The following DEFB135 variants were observed in gnomAD, a reference collection of about 807,000 sequenced individuals.
DEFB135 encodes defensin beta 135.
DEFB135 carries 14 observed loss-of-function variants against 8.9 expected under a neutral mutation model. That is an observed-to-expected ratio of 1.58 (90% CI 1.04 to 2.47). The LOEUF is 2.47. Among genes scored for constraint, DEFB135 ranks in the 30% most tolerant of loss-of-function variants. DEFB135 has a pLI of 0.00. For synonymous variants in DEFB135, 51 were observed against 34.5 expected (o/e 1.48, Z -1.67); for missense variants, 135 against 94.2 (o/e 1.43, Z -1.79).
At chr8:11,982,518 C>A in intron 1 of DEFB135, 134 bp downstream of exon 1, 1 of 897,856 alleles carries the variant, frequency 1.1e-6, no homozygotes, top group Non-Finnish European at 1.8e-6. Context: ...CAGAGATGGA[C>A]ATGCTGGGCT....
intron 1 of DEFB135, among the ~76,000 whole-genome samples, chr8:11,984,076 G>A (rs1487583094): frequency 6.6e-6 from 1 of 152,094 alleles, no homozygotes; most frequent in East Asian, 1.9e-4. Context: ...CATGCCTCCT[G>A]GTATGGGACC....
At position 11,982,975 on chromosome 8, in the gene DEFB135, A is replaced by G. The variant is rs1227584048; in HGVS notation, c.64+591A>G. 2.6e-5 allele frequency among the ~76,000 whole-genome samples: 4 copies of G among 152,176 alleles called. No homozygotes were observed. In the East Asian group the frequency reaches 7.7e-4, roughly 29 times the overall value. On this transcript the variant is annotated intron_variant, in intron 1 of 1. Coordinates refer to ENST00000382208, the MANE Select transcript of DEFB135 (RefSeq NM_001033017.3). ...ATGAGAAGAGTCTACTTCAGTCACT[A>G]AAGTGGAGGTTCTCAAAACTGTTTT... is the stretch of plus-strand genomic sequence containing the variant.
chr8:11,984,383 G>T (rs749270211), intron 1 of DEFB135, 38 bp from the exon 2 acceptor site: 3 of 1,413,988 alleles, frequency 2.1e-6, no homozygotes, highest in Admixed American at 2.2e-5. Context: ...GACACTTCAG[G>T]ACACTAACTG....
At chr8:11,984,316 T>C in intron 1 of DEFB135, 105 bp from the exon 2 acceptor site, 1 of 915,898 alleles carries the variant, frequency 1.1e-6, no homozygotes, top group Non-Finnish European at 1.5e-6. Flanking sequence ...TCGCGTCTAA[T>C]TCATTATTAA....
intron 1 of DEFB135, among the ~76,000 whole-genome samples, chr8:11,984,121 T>G (rs61667025): frequency 0.02 from 2,996 of 152,254 alleles, 118 homozygotes; most frequent in African/African-American, 0.068. Flanking sequence ...GATGTCTGAA[T>G]ATTCTTTCTG....
rs1432630665 is a variant in DEFB135, at chr8:11,984,473, A to C, written c.117A>C (p.Arg39=). ...YIQKIFASCW[R]LQGTCRPKCL... ...AAAAAATCTTTGCTTCATGTTGGCG[A>C]CTGCAAGGTACTTGCCGGCCAAAAT... The change falls in exon 2 of 2, where the codon CGA becomes CGC. Residue 39 remains arginine (R), a synonymous_variant. Transcript: ENST00000382208. The C allele has an allele frequency of 3.2e-6, 5 of 1,574,472 alleles. No homozygotes were observed. The highest frequency in any genetic ancestry group is 4.3e-6 in the Non-Finnish European group (5 of 1,151,354).
At chr8:11,984,065 G>C (rs1189779885) in intron 1 of DEFB135, among the ~76,000 whole-genome samples, 2 of 152,106 alleles carry the variant, frequency 1.3e-5, no homozygotes, top group Non-Finnish European at 2.9e-5. Context: ...TCCAGACCCT[G>C]CATGCCTCCT....
At position 11,982,372 on chromosome 8, in the gene DEFB135, T is replaced by C. The variant is rs748516239; in HGVS notation, c.52T>C (p.Tyr18His). The C allele has an allele frequency of 2.9e-5, 46 of 1,613,996 alleles. No homozygotes were observed. Among genetic ancestry groups the C allele is most frequent in the Non-Finnish European group, 3.7e-5 (44 of 1,180,034 alleles). ...LALVVLNLLF[Y>H]VPPGRSGPNV... The stretch of plus-strand genomic sequence containing the variant: ...CCTCGTGGTCCTTAACTTACTCTTC[T>C]ATGTTCCACCAGGTAAAATGGAGTC... The change falls in exon 1 of 2, where the codon TAT becomes CAT. Residue 18 changes from tyrosine to histidine, a missense_variant. By Grantham distance (83) the Tyr-to-His change is moderately conservative. Transcript: ENST00000382208.
rs374933805 is a variant in DEFB135, at chr8:11,982,335, C to T, written c.15C>T (p.Ser5=). 18 of 1,614,128 alleles carry T rather than the reference C, an allele frequency of 1.1e-5. No homozygotes were observed. The highest frequency in any genetic ancestry group is 4.5e-5 in the East Asian group (2 of 44,886). Reference sequence around the variant, plus strand: ...TGCTGATTGGTATGGCCACAAGGAGCGTCCTCTTGGCCCTCGTGGTCCTTA... The same window carrying T: ...TGCTGATTGGTATGGCCACAAGGAGTGTCCTCTTGGCCCTCGTGGTCCTTA... The part of the protein sequence containing the change: MATR[S]VLLALVVLNL... Residue 5 remains serine (S), a synonymous_variant, in exon 1 of 2, where the codon AGC becomes AGT. Transcript: ENST00000382208.
At chr8:11,982,451 A>C in intron 1 of DEFB135, 67 bp downstream of exon 1, 1 of 1,581,708 alleles carries the variant, frequency 6.3e-7, no homozygotes, top group Non-Finnish European at 8.7e-7. Context: ...AGGTTCTACA[A>C]GAGTGAGAAA....
In DEFB135 at chr8:11,984,447, CA is replaced by C; in HGVS notation, c.97del (p.Ile33SerfsTer17). On this transcript the variant is annotated frameshift_variant, in exon 2 of 2. Coordinates refer to ENST00000382208, the MANE Select transcript of DEFB135 (RefSeq NM_001033017.3). LOFTEE classifies it high-confidence loss of function. ...TAGAAGTGGACCCAATGTCTACATA[CA>C]AAAAATCTTTGCTTCATGTTGGCGA... ...PGRSGPNVYI[Q>X]KIFASCWRLQ... 4 of 1,567,874 alleles carry C rather than the reference CA, an allele frequency of 2.6e-6. No homozygotes were observed. The highest frequency in any genetic ancestry group is 1.7e-5 in the Admixed American group (1 of 57,970).
In DEFB135 at chr8:11,982,398, C is replaced by T; in HGVS notation, c.64+14C>T. 1.9e-6 allele frequency: 3 copies of T among 1,613,856 alleles called. No individual in the cohort carries two copies. Among genetic ancestry groups the T allele is most frequent in the Non-Finnish European group, 2.5e-6 (3 of 1,179,834 alleles). On this transcript the variant is annotated intron_variant, in intron 1 of 1. Coordinates refer to ENST00000382208, the MANE Select transcript of DEFB135 (RefSeq NM_001033017.3). The stretch of plus-strand genomic sequence containing the variant: ...ATGTTCCACCAGGTAAAATGGAGTC[C>T]CCACCTTGTAGAATTAGGAATAGTA...
rs1397015835 is a variant in DEFB135 at position 11,984,517 on chromosome 8, A to G, written c.161A>G (p.Tyr54Cys). 1.3e-6 allele frequency: 2 copies of G among 1,587,464 alleles called. No individual in the cohort carries two copies. The highest frequency in any genetic ancestry group is 1.3e-5 in the African/African-American group (1 of 74,472). ...CRPKCLKNEQ[Y>C]RILCDTIHLC... ...CCAAAATGTCTAAAAAACGAACAAT[A>G]TCGTATTTTGTGTGATACTATACAT... Residue 54 changes from tyrosine to cysteine, a missense_variant, in exon 2 of 2, where the codon TAT becomes TGT. Transcript: ENST00000382208.
chr8:11,982,399 C>T lies in DEFB135; in HGVS notation c.64+15C>T, dbSNP rs1419092798. 7.4e-6 allele frequency: 12 copies of T among 1,613,916 alleles called. No homozygotes were observed. Among genetic ancestry groups the T allele is most frequent in the East Asian group, 2.2e-5 (1 of 44,880 alleles). On this transcript the variant is annotated intron_variant, in intron 1 of 1. Transcript: ENST00000382208. ...TGTTCCACCAGGTAAAATGGAGTCCCCACCTTGTAGAATTAGGAATAGTAA... is the reference window on the plus strand; with the variant it reads ...TGTTCCACCAGGTAAAATGGAGTCCTCACCTTGTAGAATTAGGAATAGTAA...
intron 1 of DEFB135, 130 bp from the exon 2 acceptor site, chr8:11,984,291 C>A (rs1412640157): frequency 2.9e-6 from 2 of 683,862 alleles, no homozygotes; most frequent in Non-Finnish European, 4.3e-6. Flanking sequence ...TATAAAATGT[C>A]TTGAGTATCT....
rs767945556 is a variant in DEFB135 at position 11,984,520 on chromosome 8, G to A, written c.164G>A (p.Arg55His). The A allele has an allele frequency of 5.7e-5, 90 of 1,584,862 alleles. 1 individual carries two copies. The South Asian group carries it at 8.4e-4, about 15-fold the overall frequency. Residue 55 changes from arginine to histidine, a missense_variant, in exon 2 of 2, where the codon CGT becomes CAT. By Grantham distance (29) the Arg-to-His change is conservative. Coordinates refer to ENST00000382208, the MANE Select transcript of DEFB135 (RefSeq NM_001033017.3). ...RPKCLKNEQY[R>H]ILCDTIHLCC... ...AAATGTCTAAAAAACGAACAATATC[G>A]TATTTTGTGTGATACTATACATTTG...
chr8:11,983,355 A>G (rs1486929150), intron 1 of DEFB135, among the ~76,000 whole-genome samples: 1 of 152,138 alleles, frequency 6.6e-6, no homozygotes, highest in Non-Finnish European at 1.5e-5. Context: ...GTGCCATTGC[A>G]CTCCAGCCTG....
chr8:11,983,280 C>A (rs560488837), intron 1 of DEFB135, among the ~76,000 whole-genome samples: 4 of 152,264 alleles, frequency 2.6e-5, no homozygotes, highest in African/African-American at 9.6e-5. Context: ...GTCCCAGCTA[C>A]TCGGGAAGCT....
chr8:11,982,624 G>A (rs552113718), intron 1 of DEFB135, among the ~76,000 whole-genome samples: 2 of 152,314 alleles, frequency 1.3e-5, no homozygotes, highest in African/African-American at 4.8e-5. Flanking sequence ...TGAGGAGCTG[G>A]TGAAGTTTGA....
Sources: allele counts gnomAD v4.1 joint callset (sites outside exome capture counted in the v4.1 genomes callset), GRCh38; gene constraint gnomAD v4.1.1; transcripts MANE v1.5; gene names NCBI Gene and HGNC (gene_info 2026-07-23, HGNC 2026-07-21).